MAD2L1BP: variants seen among roughly 807,000 people sequenced by gnomAD.
The protein encoded by MAD2L1BP is MAD2L1-binding protein.
Under a neutral mutation model 28.4 loss-of-function variants are expected in MAD2L1BP, and 22 were observed. That is an observed-to-expected ratio of 0.77 (90% CI 0.55 to 1.10). The LOEUF is 1.10. MAD2L1BP is among the 50% of genes least tolerant of loss of function. MAD2L1BP has a pLI of 0.00. For synonymous variants in MAD2L1BP, 146 were observed against 133.7 expected, an observed-to-expected ratio of 1.09 and a Z score of -0.63; for missense variants, 325 against 350.5, an observed-to-expected ratio of 0.93 and a Z score of 0.58.
At chr6:43,630,908 C>CAAAAAAAA (rs753239311), upstream of MAD2L1BP, among the ~76,000 whole-genome samples, 16 of 53,554 alleles carry the variant, frequency 3.0e-4, no homozygotes, top group African/African-American at 1.0e-3. Context: ...GACTTCGTCT[C>CAAAAAAAA]AAAAAAAAAA....
rs759007067 is a variant in MAD2L1BP at position 43,640,324 on chromosome 6, C to T, written c.616C>T (p.Pro206Ser). 22 of 1,613,638 alleles carry T rather than the reference C, an allele frequency of 1.4e-5. No individual in the cohort carries two copies. The South Asian group carries it at 1.6e-4, about 12-fold the overall frequency. ...MADAFSELQA[P>S]PLMGTVVMAQ... ...TGATGCCTTTAGCGAGCTTCAGGCT[C>T]CTCCACTCATGGGCACCGTCGTCAT... The change falls in exon 3 of 3, where the codon CCT becomes TCT. Residue 206 changes from proline to serine, a missense_variant. Pro to Ser is a moderately conservative substitution (Grantham distance 74). Transcript: ENST00000372171.
At chr6:43,631,632 G>A (rs1347720554), upstream of MAD2L1BP, among the ~76,000 whole-genome samples, 8 of 151,956 alleles carry the variant, frequency 5.3e-5, no homozygotes, top group Admixed American at 5.3e-4. Context: ...CTACAGGTGC[G>A]AGCCACCATG....
In MAD2L1BP at chr6:43,637,468, C is replaced by T. The variant is rs542287467; in HGVS notation, c.312+822C>T. Among the ~76,000 whole-genome samples, 34 of 151,170 alleles carry T rather than the reference C, an allele frequency of 2.2e-4. 1 individual carries two copies. The East Asian group carries it at 6.0e-3, about 27-fold the overall frequency. On this transcript the variant is annotated intron_variant, in intron 2 of 2. Coordinates refer to ENST00000372171, the MANE Select transcript of MAD2L1BP (RefSeq NM_014628.3). ...TGAGACAGAGTCTCGCCTTGTCACC[C>T]AGGCTGGAGGACAGTGGCATGATCG...
Position 43,635,853 on chromosome 6 carries a change from G to T in MAD2L1BP, c.-23G>T. 1 of 1,467,262 alleles carries T rather than the reference G, an allele frequency of 6.8e-7. No homozygotes were observed. Among genetic ancestry groups the T allele is most frequent in the Non-Finnish European group, 9.0e-7 (1 of 1,114,818 alleles). The allele number at this position is 1,467,262 out of a possible 1,614,324, so 90.9% of individuals were successfully genotyped here. A position where few individuals can be genotyped will look rare whatever the true frequency, so the allele number is the denominator to read the frequency against. On this transcript the variant is annotated 5_prime_UTR_variant, in exon 1 of 3. The change creates a new upstream start codon in the 5' untranslated region. Transcript: ENST00000372171. Reference sequence around the variant, plus strand: ...CGCGAGACCTTTATTCTAACCGCAAGGAGTAGCGGAGGGGAGGTCGTGATG... The same window carrying T: ...CGCGAGACCTTTATTCTAACCGCAATGAGTAGCGGAGGGGAGGTCGTGATG...
rs764530552 is a variant in MAD2L1BP at position 43,640,152 on chromosome 6, G to A, written c.444G>A (p.Pro148=). Residue 148 remains proline, a synonymous_variant, in exon 3 of 3, where the codon CCG becomes CCA. Coordinates refer to ENST00000372171, the MANE Select transcript of MAD2L1BP (RefSeq NM_014628.3). ...LEDFFARTLV[P]RVLILLGGNA... Reference sequence around the variant, plus strand: ...ACTTCTTTGCACGGACACTAGTACCGCGAGTGCTGATTCTCCTTGGGGGCA... The same window carrying A: ...ACTTCTTTGCACGGACACTAGTACCACGAGTGCTGATTCTCCTTGGGGGCA... 16 of 1,612,884 alleles carry A rather than the reference G, an allele frequency of 9.9e-6. No homozygotes were observed. Among genetic ancestry groups the A allele is most frequent in the Middle Eastern group, 1.6e-4 (1 of 6,080 alleles).
Position 43,636,420 on chromosome 6 carries a change from C to T in MAD2L1BP, c.86C>T (p.Ser29Phe). The T allele has an allele frequency of 3.7e-6, 6 of 1,614,174 alleles. No individual in the cohort carries two copies. The highest frequency in any genetic ancestry group is 5.1e-6 in the Non-Finnish European group (6 of 1,180,024). Residue 29 changes from serine to phenylalanine, a missense_variant, in exon 2 of 3, where the codon TCC becomes TTC. Coordinates refer to ENST00000372171, the MANE Select transcript of MAD2L1BP (RefSeq NM_014628.3). ...GAGAAGTCCGAAGAAACTCACGCCTCCCAGATAGAACTACTTGAGACAAGC... is the reference window on the plus strand; with the variant it reads ...GAGAAGTCCGAAGAAACTCACGCCTTCCAGATAGAACTACTTGAGACAAGC... ...WYEKSEETHASQIELLETSST... is the reference protein window; with the variant it reads ...WYEKSEETHAFQIELLETSST...
chr6:43,630,407 CT>C (rs898914906), intron 1 of MAD2L1BP, among the ~76,000 whole-genome samples: 1 of 152,154 alleles, frequency 6.6e-6, no homozygotes, highest in African/African-American at 2.4e-5. Flanking sequence ...CACTTCTCCC[CT>C]CTTCTCGAAC....
Position 43,640,021 on chromosome 6 carries a change from G to C in MAD2L1BP, c.313G>C (p.Ala105Pro). The part of the protein sequence containing the change: ...KHFYRKPSPQ[A>P]EEMLKKKPRA... ...CTCCCACCATTCTTTGTCCTCACAGGCAGAGGAGATGCTGAAGAAGAAACC... is the reference window on the plus strand; with the variant it reads ...CTCCCACCATTCTTTGTCCTCACAGCCAGAGGAGATGCTGAAGAAGAAACC... Residue 105 changes from alanine to proline, a missense_variant and splice_region_variant, in exon 3 of 3, where the codon GCA (alanine) becomes CCA (proline). By Grantham distance (27) the Ala-to-Pro change is conservative. Coordinates refer to ENST00000372171, the MANE Select transcript of MAD2L1BP (RefSeq NM_014628.3). 6.6e-7 allele frequency: 1 copy of C among 1,522,994 alleles called. No homozygotes were observed. Among genetic ancestry groups the C allele is most frequent in the Non-Finnish European group, 8.8e-7 (1 of 1,132,898 alleles). The allele number at this position is 1,522,994 out of a possible 1,614,324, so 94.3% of individuals were successfully genotyped here.
At chr6:43,638,501 T>C (rs1463735995) in intron 2 of MAD2L1BP, among the ~76,000 whole-genome samples, 2 of 151,982 alleles carry the variant, frequency 1.3e-5, no homozygotes, top group Admixed American at 6.6e-5. Context: ...CTGGTGAATA[T>C]TTAAGAATAA....
chr6:43,631,639 C>A (rs1410025865), upstream of MAD2L1BP, among the ~76,000 whole-genome samples: 5 of 152,150 alleles, frequency 3.3e-5, no homozygotes, highest in Non-Finnish European at 7.3e-5. Context: ...TGCGAGCCAC[C>A]ATGCCCAGCT....
In MAD2L1BP at chr6:43,639,946, C is replaced by T. The variant is rs1582367807; in HGVS notation, c.313-75C>T. ...GTCCTGTAAGTCTATGTACACATCC[C>T]AGCAGGGTTCTTTTCAAAGAGCATT... On this transcript the variant is annotated intron_variant, in intron 2 of 2. Transcript: ENST00000372171. 10 of 1,374,322 alleles carry T rather than the reference C, an allele frequency of 7.3e-6. No individual in the cohort carries two copies. In the South Asian group the frequency reaches 1.0e-4, roughly 14 times the overall value. The allele number at this position is 1,374,322 out of a possible 1,614,324, so 85.1% of individuals were successfully genotyped here.
At chr6:43,635,502 A>G (rs951671833), upstream of MAD2L1BP, among the ~76,000 whole-genome samples, 6 of 152,240 alleles carry the variant, frequency 3.9e-5, no homozygotes, top group Non-Finnish European at 8.8e-5. Context: ...GAACCCCTTG[A>G]GCACGGGGCC....
intron 1 of MAD2L1BP, 51 bp downstream of exon 1, chr6:43,635,972 C>A: frequency 6.7e-7 from 1 of 1,500,680 alleles, no homozygotes; most frequent in Non-Finnish European, 9.0e-7. Flanking sequence ...TGTTTCTTCC[C>A]TACCGCCGCG....
At chr6:43,638,339 C>A (rs1394235932) in intron 2 of MAD2L1BP, among the ~76,000 whole-genome samples, 1 of 152,148 alleles carries the variant, frequency 6.6e-6, no homozygotes, top group Admixed American at 6.5e-5. Flanking sequence ...GCCACTGCGC[C>A]AGGCCATGAA....
At chr6:43,638,534 C>T (rs192922511) in intron 2 of MAD2L1BP, among the ~76,000 whole-genome samples, 4,995 of 151,930 alleles carry the variant, frequency 0.033, 266 homozygotes, top group African/African-American at 0.11. Flanking sequence ...CGGTGGCTCA[C>T]GCCTGTAATC....
chr6:43,639,543 C>T (rs1770453153), intron 2 of MAD2L1BP, among the ~76,000 whole-genome samples: 1 of 152,146 alleles, frequency 6.6e-6, no homozygotes, highest in South Asian at 2.1e-4. Flanking sequence ...AGTCTTTCCT[C>T]TTCTTTCCTT....
chr6:43,639,916 A>G lies in MAD2L1BP; in HGVS notation c.313-105A>G, dbSNP rs970725433. ...GCTGTGGCGGTTCATTGAGCTAGAA[A>G]TTAAGTCCTGTAAGTCTATGTACAC... On this transcript the variant is annotated intron_variant, in intron 2 of 2. Coordinates refer to ENST00000372171, the MANE Select transcript of MAD2L1BP (RefSeq NM_014628.3). 13 of 974,784 alleles carry G rather than the reference A, an allele frequency of 1.3e-5. No individual in the cohort carries two copies. The African/African-American group carries it at 2.0e-4, about 15-fold the overall frequency. The allele number at this position is 974,784 out of a possible 1,614,324, so 60.4% of individuals were successfully genotyped here. A position where few individuals can be genotyped will look rare whatever the true frequency, so the allele number is the denominator to read the frequency against.
At chr6:43,637,253 C>T (rs1023181836) in intron 2 of MAD2L1BP, among the ~76,000 whole-genome samples, 6 of 150,954 alleles carry the variant, frequency 4.0e-5, no homozygotes, top group South Asian at 2.1e-4. Context: ...TTGGTAGAGA[C>T]GGGGTTTCAC....
chr6:43,630,908 C>CAAAAAAAAAAAAAA (rs753239311), upstream of MAD2L1BP, among the ~76,000 whole-genome samples: 6 of 53,606 alleles, frequency 1.1e-4, no homozygotes, highest in African/African-American at 4.1e-4. Flanking sequence ...GACTTCGTCT[C>CAAAAAAAAAAAAAA]AAAAAAAAAA....
Sources: gnomAD v4.1 joint callset for allele counts (sites outside exome capture counted in the v4.1 genomes callset) on GRCh38, gnomAD v4.1.1 for gene constraint, MANE v1.5 for transcripts, NCBI Gene and HGNC (gene_info 2026-07-23, HGNC 2026-07-21) for gene names.